The following PLXDC2 variants were observed in gnomAD, a reference collection of about 807,000 sequenced individuals.
PLXDC2 encodes plexin domain-containing protein 2.
Under a neutral mutation model 68.9 loss-of-function variants are expected in PLXDC2, and 40 were observed. The observed-to-expected ratio is 0.58, with a 90% CI of 0.45 to 0.76. The LOEUF is 0.76. Ranked by LOEUF, PLXDC2 falls within the 30% of genes least tolerant of loss-of-function variation. The pLI is 0.00. For synonymous variants in PLXDC2, 243 were observed against 234.2 expected, an observed-to-expected ratio of 1.04 and a Z score of -0.34; for missense variants, 644 against 661.9, an observed-to-expected ratio of 0.97 and a Z score of 0.30.
At chr10:19,992,301 A>G (rs981445474) in intron 1 of PLXDC2, among the ~76,000 whole-genome samples, 3 of 152,188 alleles carry the variant, frequency 2.0e-5, no homozygotes, top group Admixed American at 1.3e-4. Flanking sequence ...GAAGTTACAT[A>G]CCTAAACATT....
At chr10:20,114,997 T>C (rs1233099918) in intron 4 of PLXDC2, among the ~76,000 whole-genome samples, 3 of 152,176 alleles carry the variant, frequency 2.0e-5, no homozygotes, top group Non-Finnish European at 4.4e-5. Context: ...ATCCAACCAA[T>C]GAGGAGATAA....
At chr10:19,860,045 T>G (rs938401671) in intron 1 of PLXDC2, among the ~76,000 whole-genome samples, 2 of 152,166 alleles carry the variant, frequency 1.3e-5, no homozygotes, top group Admixed American at 6.6e-5. Flanking sequence ...CCTATTTGTA[T>G]TCAAAGAAAA....
intron 1 of PLXDC2, among the ~76,000 whole-genome samples, chr10:19,937,204 G>A (rs1255399058): frequency 6.6e-6 from 1 of 152,080 alleles, no homozygotes; most frequent in Non-Finnish European, 1.5e-5. Flanking sequence ...CTGCATGTGG[G>A]ACAAATTAAT....
rs1362418353 is a variant in PLXDC2, at chr10:20,282,594, C to T, written c.*2775C>T. ...CTGAAACTCAAGAAAAATATCTTGA[C>T]CCATTTATGTCTAGTGTTCCATTAT... On this transcript the variant is annotated 3_prime_UTR_variant, in exon 14 of 14. Coordinates refer to ENST00000377252, the MANE Select transcript of PLXDC2 (RefSeq NM_032812.9). The T allele has an allele frequency of 6.6e-6, 1 of 152,156 alleles. No homozygotes were observed. The highest frequency in any genetic ancestry group is 1.9e-4 in the East Asian group (1 of 5,178). 9.4% of individuals were successfully genotyped at this position (152,156 alleles called of 1,614,324 possible). A position where few individuals can be genotyped will look rare whatever the true frequency, so the allele number is the denominator to read the frequency against.
chr10:19,984,597 G>A (rs1336573628), intron 1 of PLXDC2, among the ~76,000 whole-genome samples: 4 of 152,144 alleles, frequency 2.6e-5, no homozygotes, highest in Non-Finnish European at 4.4e-5. Flanking sequence ...TTTTGAGTGG[G>A]ACTAGAGTTC....
At chr10:19,897,666 T>A (rs1409925115) in intron 1 of PLXDC2, among the ~76,000 whole-genome samples, 1 of 152,162 alleles carries the variant, frequency 6.6e-6, no homozygotes, top group Non-Finnish European at 1.5e-5. Context: ...TAAAATATGG[T>A]TTTTTTAAAT....
At chr10:19,946,973 A>G (rs771521478) in intron 1 of PLXDC2, among the ~76,000 whole-genome samples, 11 of 152,100 alleles carry the variant, frequency 7.2e-5, no homozygotes, top group Non-Finnish European at 1.6e-4. Context: ...CCACGGACCT[A>G]TACTTGTCGG....
chr10:20,263,172 G>A (rs563880745), intron 13 of PLXDC2, among the ~76,000 whole-genome samples: 4 of 152,286 alleles, frequency 2.6e-5, no homozygotes, highest in South Asian at 2.1e-4. Context: ...GCAGACCAAT[G>A]GAACAGAATA....
intron 9 of PLXDC2, among the ~76,000 whole-genome samples, chr10:20,185,026 A>T (rs7916544): frequency 0.033 from 4,984 of 151,862 alleles, 275 homozygotes; most frequent in African/African-American, 0.11. Context: ...GAAGGAGAGC[A>T]TTAGGACAAA....
intron 12 of PLXDC2, among the ~76,000 whole-genome samples, chr10:20,229,177 A>G (rs769731853): frequency 1.3e-5 from 2 of 152,150 alleles, no homozygotes; most frequent in Non-Finnish European, 2.9e-5. Flanking sequence ...GGTGGAGCCA[A>G]TCAGCATGAA....
chr10:20,083,334 G>A (rs1239101249), intron 4 of PLXDC2, among the ~76,000 whole-genome samples: 3 of 151,956 alleles, frequency 2.0e-5, no homozygotes, highest in East Asian at 1.9e-4. Context: ...AAAATTAGCC[G>A]GGCGAGGTGG....
chr10:20,188,770 T>G (rs545925819), intron 9 of PLXDC2, among the ~76,000 whole-genome samples: 1 of 151,954 alleles, frequency 6.6e-6, no homozygotes, highest in Non-Finnish European at 1.5e-5. Flanking sequence ...AAGTGTAGTG[T>G]ATATGATAAA....
intron 4 of PLXDC2, among the ~76,000 whole-genome samples, chr10:20,079,987 G>A (rs1191383464): frequency 6.6e-6 from 1 of 151,982 alleles, no homozygotes; most frequent in African/African-American, 2.4e-5. Context: ...AATGGGAAAG[G>A]AAATATTTAA....
intron 1 of PLXDC2, among the ~76,000 whole-genome samples, chr10:19,961,685 G>A (rs187418452): frequency 7.7e-4 from 118 of 152,268 alleles, no homozygotes; most frequent in Admixed American, 2.0e-3. Context: ...TTGATGACTG[G>A]GTGGTACATT....
At chr10:20,116,145 C>A (rs1179948273) in intron 4 of PLXDC2, among the ~76,000 whole-genome samples, 1 of 152,242 alleles carries the variant, frequency 6.6e-6, no homozygotes, top group Non-Finnish European at 1.5e-5. Context: ...TGCCTTCCTG[C>A]AGTCCCCTTT....
chr10:19,925,646 A>G (rs1224041326), intron 1 of PLXDC2, among the ~76,000 whole-genome samples: 1 of 152,120 alleles, frequency 6.6e-6, no homozygotes, highest in African/African-American at 2.4e-5. Context: ...ATTGGTTGTG[A>G]GAGTAGACTC....
intron 4 of PLXDC2, among the ~76,000 whole-genome samples, chr10:20,076,304 C>T (rs920017360): frequency 6.6e-6 from 1 of 152,190 alleles, no homozygotes; most frequent in East Asian, 1.9e-4. Flanking sequence ...AGAAGTTAGG[C>T]TTCCAGGTTA....
chr10:20,092,426 C>T (rs1414103661), intron 4 of PLXDC2, among the ~76,000 whole-genome samples: 2 of 151,988 alleles, frequency 1.3e-5, no homozygotes, highest in African/African-American at 4.8e-5. Context: ...ATTGCTTGAC[C>T]TATAGTAAGT....
chr10:20,054,558 G>A (rs113351420), intron 3 of PLXDC2, among the ~76,000 whole-genome samples: 196 of 152,110 alleles, frequency 1.3e-3, no homozygotes, highest in African/African-American at 4.5e-3. Flanking sequence ...TTGTAGGGAC[G>A]TGGATGAAGC....
Sources: gnomAD v4.1 joint callset for allele counts (sites outside exome capture counted in the v4.1 genomes callset) on GRCh38, gnomAD v4.1.1 for gene constraint, MANE v1.5 for transcripts, NCBI Gene and HGNC (gene_info 2026-07-23, HGNC 2026-07-21) for gene names.